The following DARS1 variants were observed in gnomAD, a reference collection of about 807,000 sequenced individuals.
DARS1 encodes aspartyl-tRNA synthetase 1, also known as aspartate--tRNA ligase, cytoplasmic.
A neutral mutation model predicts 68.8 loss-of-function variants in DARS1; 51 were observed. The ratio of observed to expected loss-of-function variants is 0.74; its 90% CI spans 0.59 to 0.94. DARS1 has a LOEUF of 0.94. DARS1 is among the 40% of genes least tolerant of loss of function. The pLI is 0.00. For missense variants in DARS1, 607 were observed against 597.3 expected, an observed-to-expected ratio of 1.02 and a Z score of -0.17; for synonymous variants, 203 against 190.4, an observed-to-expected ratio of 1.07 and a Z score of -0.55.
At chr2:135,948,465 A>C (rs554365739) in intron 4 of DARS1, among the ~76,000 whole-genome samples, 1 of 152,346 alleles carries the variant, frequency 6.6e-6, no homozygotes, top group African/African-American at 2.4e-5. Flanking sequence ...AAATCTTTGC[A>C]TACTCAAGCC....
At chr2:135,924,135 T>C (rs1461285411) in intron 8 of DARS1, among the ~76,000 whole-genome samples, 1 of 152,210 alleles carries the variant, frequency 6.6e-6, no homozygotes, top group Admixed American at 6.5e-5. Context: ...GTAACAAGAA[T>C]CTTGCTTTGT....
intron 11 of DARS1, 72 bp from the exon 12 acceptor site, chr2:135,914,583 CT>C (rs1680968304): frequency 1.1e-6 from 1 of 896,852 alleles, no homozygotes; most frequent in African/African-American, 1.6e-5. Context: ...GGAACTTCTT[CT>C]ATTTGAGTTT....
In DARS1 at chr2:135,956,468, T is replaced by C. The variant is rs562376664; in HGVS notation, c.320+4928A>G. Among the ~76,000 whole-genome samples, 3 of 152,246 alleles carry C rather than the reference T, an allele frequency of 2.0e-5. No individual in the cohort carries two copies. In the South Asian group the frequency reaches 6.2e-4, roughly 32 times the overall value. ...GGAGGAGAAGGAACCCAATTAGCTA[T>C]GGCGGGTGATCAGATACTGAGGGGG... On this transcript the variant is annotated intron_variant, in intron 4 of 15. Coordinates refer to ENST00000264161, the MANE Select transcript of DARS1 (RefSeq NM_001349.4).
chr2:135,970,439 A>C (rs1280061370), intron 3 of DARS1, among the ~76,000 whole-genome samples: 3 of 152,036 alleles, frequency 2.0e-5, no homozygotes, highest in Non-Finnish European at 4.4e-5. Context: ...CTTGAAACAA[A>C]TGATAATGGA....
intron 1 of DARS1, among the ~76,000 whole-genome samples, chr2:135,984,277 A>G (rs1682716168): frequency 6.6e-6 from 1 of 152,242 alleles, no homozygotes; most frequent in Non-Finnish European, 1.5e-5. Context: ...CTGTAAGGGT[A>G]CACTGATAGT....
chr2:135,928,282 G>A (rs979062673), intron 7 of DARS1, among the ~76,000 whole-genome samples: 2 of 152,198 alleles, frequency 1.3e-5, no homozygotes, highest in Non-Finnish European at 2.9e-5. Flanking sequence ...TGTGAAGCTG[G>A]ACTAGGGGTC....
chr2:135,958,968 T>C (rs950921124), intron 4 of DARS1, among the ~76,000 whole-genome samples: 10 of 152,020 alleles, frequency 6.6e-5, no homozygotes, highest in East Asian at 3.8e-4. Flanking sequence ...TGCATGTCCT[T>C]TGCTTAAAAA....
chr2:135,916,144 CATGTATACCT>C, intron 11 of DARS1, 72 bp downstream of exon 11: 1 of 689,084 alleles, frequency 1.5e-6, no homozygotes, highest in Non-Finnish European at 2.6e-6. Flanking sequence ...CACCATGGCA[CATGTATACCT>C]ATGTAACAAA....
rs533358128 is a variant in DARS1 at position 135,927,753 on chromosome 2, G to A, written c.565-3255C>T. ...AAAATTAATTTTAGAAAAGCAAAAC[G>A]AAAAACCCAGTCCTTGAACTTTAGT... On this transcript the variant is annotated intron_variant, in intron 7 of 15. Transcript: ENST00000264161. 5.3e-5 allele frequency among the ~76,000 whole-genome samples: 8 copies of A among 152,060 alleles called. No homozygotes were observed. The East Asian group carries it at 1.5e-3, about 29-fold the overall frequency.
rs193139216 is a variant in DARS1 at position 135,982,393 on chromosome 2, C to T, written c.124+1004G>A. ...GTGGATTGCCTTGAGTTCAGGAGTT[C>T]GAGATCAGCCTGGGCAACACAGTGA... On this transcript the variant is annotated intron_variant, in intron 2 of 15. Coordinates refer to ENST00000264161, the MANE Select transcript of DARS1 (RefSeq NM_001349.4). Among the ~76,000 whole-genome samples, 107 of 151,766 alleles carry T rather than the reference C, an allele frequency of 7.1e-4. No individual in the cohort carries two copies. The Middle Eastern group carries it at 0.024, about 34-fold the overall frequency.
chr2:135,919,835 C>T (rs910589692), intron 10 of DARS1, among the ~76,000 whole-genome samples: 3 of 152,212 alleles, frequency 2.0e-5, no homozygotes, highest in Non-Finnish European at 4.4e-5. Flanking sequence ...CTAATCTTTA[C>T]TGAGCACTTA....
Position 135,983,444 on chromosome 2 carries a change from T to C in DARS1, c.77A>G (p.Lys26Arg), listed in dbSNP as rs1575411252. 8.4e-7 allele frequency: 1 copy of C among 1,189,168 alleles called. No individual in the cohort carries two copies. The allele number at this position is 1,189,168 out of a possible 1,614,324, so 73.7% of individuals were successfully genotyped here. The change falls in exon 2 of 16, where the codon AAA becomes AGA. Residue 26 changes from lysine to arginine, a missense_variant. Lys to Arg is a conservative substitution (Grantham distance 26). Transcript: ENST00000264161. The stretch of plus-strand genomic sequence containing the variant: ...CATTGAAGATATTCCATATCTCTCT[T>C]TAGCATAATCCTACAAAAAAAGTTT... ...EIMDAAEDYAKERYGISSMIQ... is the reference protein window; with the variant it reads ...EIMDAAEDYARERYGISSMIQ...
chr2:135,934,649 CAT>C (rs1681426809), intron 5 of DARS1, among the ~76,000 whole-genome samples: 1 of 151,768 alleles, frequency 6.6e-6, no homozygotes, highest in African/African-American at 2.4e-5. Flanking sequence ...CAAAAACAAA[CAT>C]AAACACAAAA....
At chr2:135,920,716 A>G in intron 9 of DARS1, 116 bp from the exon 10 acceptor site, 1 of 1,294,618 alleles carries the variant, frequency 7.7e-7, no homozygotes, top group Non-Finnish European at 1.0e-6. Flanking sequence ...TTCATATTAC[A>G]GGGCTGGAAG....
rs760537449 is a variant in DARS1, at chr2:135,920,476, T to C, written c.936A>G (p.Gln312=). 3 of 1,613,456 alleles carry C rather than the reference T, an allele frequency of 1.9e-6. No individual in the cohort carries two copies. The highest frequency in any genetic ancestry group is 2.2e-5 in the East Asian group (1 of 44,798). Residue 312 remains glutamine (Q), a synonymous_variant, in exon 10 of 16, where the codon CAA becomes CAG. Transcript: ENST00000264161. ...VMEEIADTMV[Q]IFKGLQERFQ... ...ACCTTTCTTGAAGTCCTTTGAATAT[T>C]TGTACCATGGTGTCAGCAATTTCTT...
rs201468852 is a variant in DARS1 at position 135,920,548 on chromosome 2, A to G, written c.864T>C (p.Gly288=). ...AATTAAAAGCCATTTCAATGTCCAA[A>G]CCAACAAACTCAGTTAGATGTCTAT... The part of the protein sequence containing the change: ...NTHRHLTEFV[G]LDIEMAFNYH... Residue 288 remains glycine (G), a synonymous_variant, in exon 10 of 16, where the codon GGT becomes GGC. Transcript: ENST00000264161. 39 of 1,613,742 alleles carry G rather than the reference A, an allele frequency of 2.4e-5. No individual in the cohort carries two copies. In the East Asian group the frequency reaches 8.7e-4, roughly 36 times the overall value.
At chr2:135,975,059 A>G (rs1682464876) in intron 3 of DARS1, among the ~76,000 whole-genome samples, 1 of 152,192 alleles carries the variant, frequency 6.6e-6, no homozygotes, top group African/African-American at 2.4e-5. Flanking sequence ...AAAAACAATG[A>G]TGCGGCCGGG....
intron 4 of DARS1, among the ~76,000 whole-genome samples, chr2:135,947,632 G>T (rs766748587): frequency 7.2e-5 from 11 of 151,876 alleles, no homozygotes. Flanking sequence ...ACTCTACAAG[G>T]TTAAGTAATT....
At chr2:135,907,628 G>T (rs1680816075) in intron 15 of DARS1, among the ~76,000 whole-genome samples, 1 of 152,098 alleles carries the variant, frequency 6.6e-6, no homozygotes, top group Non-Finnish European at 1.5e-5. Flanking sequence ...ATCCTTGAGT[G>T]GTATGGAGTC....
Sources: allele counts gnomAD v4.1 joint callset (sites outside exome capture counted in the v4.1 genomes callset), GRCh38; gene constraint gnomAD v4.1.1; transcripts MANE v1.5; gene names NCBI Gene and HGNC (gene_info 2026-07-23, HGNC 2026-07-21).